MYO1B: variants seen among roughly 807,000 people sequenced by gnomAD.
The protein encoded by MYO1B is unconventional myosin-Ib.
A neutral mutation model predicts 159.7 loss-of-function variants in MYO1B; 72 were observed. That is an observed-to-expected ratio of 0.45 (90% CI 0.37 to 0.55). The LOEUF (loss-of-function observed/expected upper bound fraction) is 0.55, where lower values mean the gene tolerates loss of function less well. Ranked by LOEUF, MYO1B falls within the 20% of genes least tolerant of loss-of-function variation. The pLI is 0.00. For synonymous variants in MYO1B, 468 were observed against 473.8 expected (o/e 0.99, Z 0.16); for missense variants, 1,062 against 1,364.8 (o/e 0.78, Z 3.50).
At chr2:191,291,232 A>G (rs1688668880) in intron 2 of MYO1B, among the ~76,000 whole-genome samples, 2 of 152,198 alleles carry the variant, frequency 1.3e-5, no homozygotes, top group Non-Finnish European at 2.9e-5. Context: ...CATGGTAATT[A>G]TGCTAAGAAC....
chr2:191,379,935 A>G (rs750066467), intron 13 of MYO1B, among the ~76,000 whole-genome samples: 5 of 152,202 alleles, frequency 3.3e-5, no homozygotes, highest in Non-Finnish European at 5.9e-5. Context: ...TTTGTGTGAA[A>G]ATGAGGACTG....
At chr2:191,265,566 G>A (rs1469323090) in intron 1 of MYO1B, among the ~76,000 whole-genome samples, 2 of 152,094 alleles carry the variant, frequency 1.3e-5, no homozygotes, top group Non-Finnish European at 2.9e-5. Flanking sequence ...CTTTCTTGGC[G>A]TCTGTGCACC....
intron 3 of MYO1B, among the ~76,000 whole-genome samples, chr2:191,317,842 A>G (rs1230830161): frequency 6.6e-6 from 1 of 152,236 alleles, no homozygotes; most frequent in African/African-American, 2.4e-5. Flanking sequence ...TTGTAAGCAT[A>G]TGAATGTGCA....
At chr2:191,264,717 T>C (rs1031791607) in intron 1 of MYO1B, among the ~76,000 whole-genome samples, 1 of 151,886 alleles carries the variant, frequency 6.6e-6, no homozygotes, top group Non-Finnish European at 1.5e-5. Context: ...CTCTGAGTAA[T>C]GTCACTGAGA....
chr2:191,397,544 G>T (rs1463881932), intron 21 of MYO1B, among the ~76,000 whole-genome samples: 3 of 151,804 alleles, frequency 2.0e-5, no homozygotes, highest in Admixed American at 6.6e-5. Flanking sequence ...CAAGGCAGAA[G>T]AATTTTTCTT....
chr2:191,296,427 T>G (rs1559148021), intron 3 of MYO1B, among the ~76,000 whole-genome samples: 1 of 152,246 alleles, frequency 6.6e-6, no homozygotes, highest in Non-Finnish European at 1.5e-5. Context: ...GTCAGACTTT[T>G]CTGAAATATT....
intron 1 of MYO1B, among the ~76,000 whole-genome samples, chr2:191,247,799 T>C (rs1685876679): frequency 6.6e-6 from 1 of 152,254 alleles, no homozygotes; most frequent in African/African-American, 2.4e-5. Context: ...GATAGCAGAA[T>C]CCTAAGTGGC....
intron 9 of MYO1B, 109 bp downstream of exon 9, chr2:191,362,480 G>T: frequency 5.8e-6 from 4 of 692,192 alleles, no homozygotes; most frequent in South Asian, 2.8e-5. Flanking sequence ...TTCTCCCTAA[G>T]GTTTTAGAAT....
At chr2:191,370,118 TCTTA>T (rs1351095265) in intron 12 of MYO1B, 105 bp from the exon 13 acceptor site, 5 of 727,274 alleles carry the variant, frequency 6.9e-6, no homozygotes, top group East Asian at 2.8e-5. Flanking sequence ...TTAGTTATTT[TCTTA>T]CTTAAGAAAC....
At chr2:191,252,127 C>G (rs181944395) in intron 1 of MYO1B, among the ~76,000 whole-genome samples, 2 of 152,196 alleles carry the variant, frequency 1.3e-5, no homozygotes, top group Non-Finnish European at 2.9e-5. Flanking sequence ...GACATTGGGC[C>G]TATGCCAATT....
chr2:191,265,810 C>G (rs954374725), intron 1 of MYO1B, among the ~76,000 whole-genome samples: 3 of 152,202 alleles, frequency 2.0e-5, no homozygotes, highest in African/African-American at 7.2e-5. Flanking sequence ...TTGGCTGCCT[C>G]GTCCCTCAGG....
At chr2:191,389,340 G>A (rs1695599487) in intron 17 of MYO1B, among the ~76,000 whole-genome samples, 1 of 152,214 alleles carries the variant, frequency 6.6e-6, no homozygotes, top group Admixed American at 6.5e-5. Flanking sequence ...GCTGCAGTAT[G>A]ATCCAAAGCT....
intron 7 of MYO1B, among the ~76,000 whole-genome samples, chr2:191,356,138 C>T (rs888732859): frequency 6.6e-6 from 1 of 152,004 alleles, no homozygotes; most frequent in South Asian, 2.1e-4. Context: ...TAGAACACTT[C>T]CTAAAGGAAT....
intron 7 of MYO1B, among the ~76,000 whole-genome samples, chr2:191,352,358 G>T (rs1692981601): frequency 6.6e-6 from 1 of 152,096 alleles, no homozygotes. Context: ...ATGAGAGTAG[G>T]TTTACTATTT....
chr2:191,307,192 G>A (rs1488875964), intron 3 of MYO1B, among the ~76,000 whole-genome samples: 4 of 151,544 alleles, frequency 2.6e-5, no homozygotes, highest in African/African-American at 4.8e-5. Flanking sequence ...TGTGTTTTCC[G>A]GGAAAGGGAT....
chr2:191,397,128 C>CTTTTTTTTTTTT (rs796198342), intron 21 of MYO1B, among the ~76,000 whole-genome samples: 7 of 32,260 alleles, frequency 2.2e-4, no homozygotes, highest in Admixed American at 4.1e-4. Flanking sequence ...AAGATGATTT[C>CTTTTTTTTTTTT]TTTTTTTTTT....
At chr2:191,297,436 G>A (rs13420864) in intron 3 of MYO1B, among the ~76,000 whole-genome samples, 2 of 152,290 alleles carry the variant, frequency 1.3e-5, no homozygotes, top group Admixed American at 6.5e-5. Context: ...TGGGAATAAC[G>A]TATGCAAAAG....
intron 15 of MYO1B, among the ~76,000 whole-genome samples, chr2:191,383,788 G>GA (rs553494179): frequency 1.3e-5 from 2 of 151,936 alleles, no homozygotes; most frequent in Non-Finnish European, 2.9e-5. Flanking sequence ...TGTGAGTACT[G>GA]ATCAGAGTAG....
chr2:191,398,947 T>G (rs1480421532), intron 21 of MYO1B, among the ~76,000 whole-genome samples: 12 of 152,264 alleles, frequency 7.9e-5, no homozygotes, highest in Non-Finnish European at 1.6e-4. Context: ...TGAGCTGAGA[T>G]CACGCCACTG....
Sources: allele counts gnomAD v4.1 joint callset (sites outside exome capture counted in the v4.1 genomes callset), GRCh38; gene constraint gnomAD v4.1.1; transcripts MANE v1.5; gene names NCBI Gene and HGNC (gene_info 2026-07-23, HGNC 2026-07-21).